C1QB: variants seen among roughly 807,000 people sequenced by gnomAD.
C1QB encodes complement C1q subcomponent subunit B.
C1QB carries 2 observed loss-of-function variants against 4.6 expected under a neutral mutation model. The observed-to-expected ratio is 0.43, with a 90% CI of 0.18 to 1.36. The LOEUF is 1.36. Among genes scored for constraint, C1QB ranks in the 40% most tolerant of loss-of-function variants. The probability of loss-of-function intolerance (pLI) is 0.28; values close to 1 mark genes in which losing one functional copy is unlikely to be tolerated. For missense variants in C1QB, 292 were observed against 338.0 expected, an observed-to-expected ratio of 0.86 and a Z score of 1.07; for synonymous variants, 132 against 137.1, an observed-to-expected ratio of 0.96 and a Z score of 0.26.
chr1:22,654,626 G>A (rs1303340455), intron 1 of C1QB, among the ~76,000 whole-genome samples: 1 of 152,192 alleles, frequency 6.6e-6, no homozygotes, highest in African/African-American at 2.4e-5. Flanking sequence ...CCCTATGAGG[G>A]AGAGAGTAGC....
At chr1:22,657,062 C>A (rs535167965) in intron 1 of C1QB, among the ~76,000 whole-genome samples, 1 of 152,206 alleles carries the variant, frequency 6.6e-6, no homozygotes, top group Admixed American at 6.5e-5. Context: ...AAACCTAGTT[C>A]TTTGGGATTT....
rs1002314386 is a variant in C1QB at position 22,659,672 on chromosome 1, A to C, written c.181+29A>C. ...CCATGGGATTTAGCAGGACACTGGTAATACTGACCAAATTTCCCGTCTCCT... is the reference window on the plus strand; with the variant it reads ...CCATGGGATTTAGCAGGACACTGGTCATACTGACCAAATTTCCCGTCTCCT... On this transcript the variant is annotated intron_variant, in intron 2 of 2. Coordinates refer to ENST00000509305, the MANE Select transcript of C1QB (RefSeq NM_001378156.1). 1.9e-6 allele frequency: 3 copies of C among 1,588,282 alleles called. No individual in the cohort carries two copies. In the African/African-American group the frequency reaches 4.0e-5, roughly 21 times the overall value.
chr1:22,659,449 GAC>G lies in C1QB; in HGVS notation c.-10_-9del, dbSNP rs1366791573. 3.1e-6 allele frequency: 5 copies of G among 1,613,804 alleles called. No individual in the cohort carries two copies. The highest frequency in any genetic ancestry group is 8.5e-7 in the Non-Finnish European group (1 of 1,179,980). On this transcript the variant is annotated 5_prime_UTR_variant, in exon 2 of 3. Coordinates refer to ENST00000509305, the MANE Select transcript of C1QB (RefSeq NM_001378156.1). ...ATTGTCTTCTCCACAGGAGGCGTCT[GAC>G]ACAGTATGATGATGAAGATCCCATG...
In C1QB at chr1:22,660,719, C is replaced by G. The variant is rs1301795585; in HGVS notation, c.182-93C>G. ...TCGTTTTACAGATGGGAGACTGAGG[C>G]TCAGAGAGAGGCAGGGCCCTGCCCA... On this transcript the variant is annotated intron_variant, in intron 2 of 2. Coordinates refer to ENST00000509305, the MANE Select transcript of C1QB (RefSeq NM_001378156.1). 8 of 1,283,424 alleles carry G rather than the reference C, an allele frequency of 6.2e-6. No individual in the cohort carries two copies. The Admixed American group carries it at 1.2e-4, about 19-fold the overall frequency. 79.5% of individuals were successfully genotyped at this position (1,283,424 alleles called of 1,614,324 possible). A position where few individuals can be genotyped will look rare whatever the true frequency, so the allele number is the denominator to read the frequency against.
rs1642522137 is a variant in C1QB at position 22,655,859 on chromosome 1, GAA to G, written c.-24+2558_-24+2559del. On this transcript the variant is annotated intron_variant, in intron 1 of 2. Transcript: ENST00000509305. ...GAGAGGATACAGTTCAGCCTCTGAGGAAAGGTTTCCTGGAGGAAGAAGGCTTT... is the reference window on the plus strand; with the variant it reads ...GAGAGGATACAGTTCAGCCTCTGAGGAGGTTTCCTGGAGGAAGAAGGCTTT... 2.0e-5 allele frequency among the ~76,000 whole-genome samples: 3 copies of G among 152,332 alleles called. No individual in the cohort carries two copies. In the East Asian group the frequency reaches 5.8e-4, roughly 29 times the overall value.
intron 1 of C1QB, among the ~76,000 whole-genome samples, chr1:22,657,520 T>C (rs1371608517): frequency 2.0e-5 from 3 of 152,096 alleles, no homozygotes; most frequent in Non-Finnish European, 4.4e-5. Flanking sequence ...TCCATTTATA[T>C]GAAATAATAG....
At chr1:22,653,368 C>G (rs1246080477) in intron 1 of C1QB, 65 bp downstream of exon 1, 13 of 152,460 alleles carry the variant, frequency 8.5e-5, no homozygotes, top group Admixed American at 8.5e-4. Flanking sequence ...GTGGTGATTC[C>G]GTAAGTGTGA....
At chr1:22,654,384 C>T (rs1642497272) in intron 1 of C1QB, among the ~76,000 whole-genome samples, 1 of 152,144 alleles carries the variant, frequency 6.6e-6, no homozygotes, top group Admixed American at 6.5e-5. Flanking sequence ...TCTCTCCCCA[C>T]CAACTGGTCA....
Position 22,661,076 on chromosome 1 carries a change from A to C in C1QB, c.446A>C (p.Asn149Thr). The C allele has an allele frequency of 6.2e-7, 1 of 1,614,040 alleles. No individual in the cohort carries two copies. The highest frequency in any genetic ancestry group is 8.5e-7 in the Non-Finnish European group (1 of 1,179,982). ...RFDHVITNMN[N>T]NYEPRSGKFT... ...GACCACGTGATCACCAACATGAACA[A>C]CAATTATGAGCCCCGCAGTGGCAAG... The change falls in exon 3 of 3, where the codon AAC becomes ACC. Residue 149 changes from asparagine (N) to threonine (T), a missense_variant. Physicochemically the swap from Asn to Thr is moderately conservative, Grantham distance 65. Transcript: ENST00000509305.
intron 1 of C1QB, among the ~76,000 whole-genome samples, chr1:22,656,338 G>C (rs1348567629): frequency 6.6e-6 from 1 of 152,102 alleles, no homozygotes; most frequent in Non-Finnish European, 1.5e-5. Context: ...CTTCACAATA[G>C]CCAAAAGGTG....
At chr1:22,654,954 C>T (rs1642509773) in intron 1 of C1QB, among the ~76,000 whole-genome samples, 1 of 152,218 alleles carries the variant, frequency 6.6e-6, no homozygotes, top group South Asian at 2.1e-4. Context: ...GGCCTCTTAA[C>T]ATAACATTGA....
chr1:22,659,037 AGATGGATGGATGGATGGATGGATG>A (rs3066574), intron 1 of C1QB, among the ~76,000 whole-genome samples: 1 of 112,124 alleles, frequency 8.9e-6, no homozygotes, highest in Non-Finnish European at 1.8e-5. Context: ...ATAGAGAGAC[AGATGGATGGATGGATGGATGGATG>A]GATGGATGGA....
rs1205021483 is a variant in C1QB at position 22,661,442 on chromosome 1, C to A, written c.*56C>A. 7.5e-6 allele frequency: 12 copies of A among 1,593,074 alleles called. No individual in the cohort carries two copies. Among genetic ancestry groups the A allele is most frequent in the Non-Finnish European group, 1.0e-5 (12 of 1,163,318 alleles). ...CCCCCTGCCAGCAACGCTCACTCTA[C>A]CCCCAACACCACCCCTTGCCCAACC... On this transcript the variant is annotated 3_prime_UTR_variant, in exon 3 of 3. Transcript: ENST00000509305.
At chr1:22,657,935 G>C (rs1383999689) in intron 1 of C1QB, among the ~76,000 whole-genome samples, 1 of 152,140 alleles carries the variant, frequency 6.6e-6, no homozygotes, top group Non-Finnish European at 1.5e-5. Flanking sequence ...TCACAGCTCT[G>C]AGAATATTCT....
Position 22,661,198 on chromosome 1 carries a change from C to T in C1QB, c.568C>T (p.Gln190Ter). The T allele has an allele frequency of 6.2e-7, 1 of 1,614,046 alleles. No individual in the cohort carries two copies. Among genetic ancestry groups the T allele is most frequent in the Non-Finnish European group, 8.5e-7 (1 of 1,179,946 alleles). The change falls in exon 3 of 3, where the codon CAG (glutamine) becomes TAG (stop). Residue 190 changes from glutamine to a stop codon, truncating the protein, a stop_gained. Coordinates refer to ENST00000509305, the MANE Select transcript of C1QB (RefSeq NM_001378156.1). LOFTEE classifies it high-confidence loss of function. ...VNLMRGRERA[Q>*]KVVTFCDYAY... ...CCTCATGCGTGGCCGGGAGCGTGCA[C>T]AGAAGGTGGTCACCTTCTGTGACTA...
chr1:22,653,490 G>A (rs1256987794), intron 1 of C1QB, among the ~76,000 whole-genome samples, 187 bp downstream of exon 1: 3 of 152,198 alleles, frequency 2.0e-5, no homozygotes, highest in East Asian at 1.9e-4. Flanking sequence ...GGAGTCTGCT[G>A]CTACCCAGGG....
At chr1:22,660,736 C>A in intron 2 of C1QB, 76 bp from the exon 3 acceptor site, 1 of 1,437,436 alleles carries the variant, frequency 7.0e-7, no homozygotes, top group Non-Finnish European at 9.8e-7. Flanking sequence ...AGAGGCAGGG[C>A]CCTGCCCAAG....
chr1:22,658,428 C>A (rs1435133838), intron 1 of C1QB, among the ~76,000 whole-genome samples: 1 of 152,226 alleles, frequency 6.6e-6, no homozygotes, highest in Non-Finnish European at 1.5e-5. Flanking sequence ...ACTTCCCTCA[C>A]AAAACCCACC....
chr1:22,655,197 G>C (rs1347524345), intron 1 of C1QB, among the ~76,000 whole-genome samples: 1 of 152,232 alleles, frequency 6.6e-6, no homozygotes, highest in African/African-American at 2.4e-5. Flanking sequence ...TTGCCATTTT[G>C]TAAAACCTTT....
Sources: gnomAD v4.1 joint callset for allele counts (sites outside exome capture counted in the v4.1 genomes callset) on GRCh38, gnomAD v4.1.1 for gene constraint, MANE v1.5 for transcripts, NCBI Gene and HGNC (gene_info 2026-07-23, HGNC 2026-07-21) for gene names.